The following VPS13A variants were observed in gnomAD, a reference collection of about 807,000 sequenced individuals.
The protein encoded by VPS13A is intermembrane lipid transfer protein VPS13A.
Under a neutral mutation model 390.9 loss-of-function variants are expected in VPS13A, and 264 were observed. The ratio of observed to expected loss-of-function variants is 0.68; its 90% CI spans 0.61 to 0.75. The LOEUF (loss-of-function observed/expected upper bound fraction) is 0.75. Among genes scored for constraint, VPS13A ranks in the 30% least tolerant of loss-of-function variants. The probability of loss-of-function intolerance (pLI) is 0.00; values close to 1 mark genes in which losing one functional copy is unlikely to be tolerated. For missense variants in VPS13A, 3,409 were observed against 3,733.9 expected (o/e 0.91, Z 2.27); for synonymous variants, 1,231 against 1,227.1 (o/e 1.00, Z -0.07).
chr9:77,253,170 T>C (rs1564666783), intron 22 of VPS13A, among the ~76,000 whole-genome samples: 1 of 152,222 alleles, frequency 6.6e-6, no homozygotes, highest in Non-Finnish European at 1.5e-5. Flanking sequence ...ATAGTCATCC[T>C]AATAGGTGTG....
chr9:77,207,249 ATAT>A lies in VPS13A; in HGVS notation c.385+1171_385+1173del, dbSNP rs1564630529. Among the ~76,000 whole-genome samples, 708 of 113,384 alleles carry A rather than the reference ATAT, an allele frequency of 6.2e-3. 34 individuals are homozygous for A. The highest frequency in any genetic ancestry group is 0.014 in the Middle Eastern group (3 of 212). 74.4% of individuals were successfully genotyped at this position (113,384 alleles called of 152,430 possible). On this transcript the variant is annotated intron_variant, in intron 5 of 71. Coordinates refer to ENST00000360280, the MANE Select transcript of VPS13A (RefSeq NM_033305.3). ...TATATATATATATATATATATATATATATAAAACGTGTTATATGTAACATAACA... is the reference window on the plus strand; with the variant it reads ...TATATATATATATATATATATATATAAAAACGTGTTATATGTAACATAACA...
intron 52 of VPS13A, among the ~76,000 whole-genome samples, chr9:77,348,995 GA>G (rs1193479457): frequency 6.6e-6 from 1 of 151,648 alleles, no homozygotes; most frequent in Non-Finnish European, 1.5e-5. Flanking sequence ...GAAAAATGAA[GA>G]GTATGATTTT....
chr9:77,191,976 G>T (rs1440068440), intron 1 of VPS13A, among the ~76,000 whole-genome samples: 3 of 152,158 alleles, frequency 2.0e-5, no homozygotes, highest in African/African-American at 7.2e-5. Context: ...TTGTGTGGTT[G>T]TGCAAGTCTC....
Position 77,295,589 on chromosome 9 carries a change from A to G in VPS13A, c.3555A>G (p.Ala1185=). ...CAGCTAAACAAGCCTTGGCTGAGGCAACTGTTCAGGCAGCTGGAATGGCTG... is the reference window on the plus strand; with the variant it reads ...CAGCTAAACAAGCCTTGGCTGAGGCGACTGTTCAGGCAGCTGGAATGGCTG... ...FQAAKQALAE[A]TVQAAGMAAT... Residue 1185 remains alanine (A), a synonymous_variant, in exon 33 of 72, where the codon GCA becomes GCG. Coordinates refer to ENST00000360280, the MANE Select transcript of VPS13A (RefSeq NM_033305.3). The G allele has an allele frequency of 6.2e-7, 1 of 1,612,256 alleles. No homozygotes were observed. The highest frequency in any genetic ancestry group is 1.1e-5 in the South Asian group (1 of 90,942).
chr9:77,328,335 T>G (rs914543941), intron 45 of VPS13A, among the ~76,000 whole-genome samples: 8 of 152,182 alleles, frequency 5.3e-5, no homozygotes, highest in African/African-American at 1.9e-4. Context: ...GTTTTTCCAT[T>G]TATAGAGCAC....
intron 45 of VPS13A, among the ~76,000 whole-genome samples, chr9:77,325,349 A>G (rs1433402820): frequency 6.6e-6 from 1 of 151,002 alleles, no homozygotes; most frequent in Non-Finnish European, 1.5e-5. Flanking sequence ...GGACCCATGC[A>G]TTAAAGTATA....
rs369976472 is a variant in VPS13A, at chr9:77,315,310, G to A, written c.4470G>A (p.Arg1490=). The A allele has an allele frequency of 9.9e-6, 16 of 1,613,960 alleles. No individual in the cohort carries two copies. The South Asian group carries it at 1.3e-4, about 13-fold the overall frequency. Residue 1490 remains arginine (R), a synonymous_variant, in exon 38 of 72, where the codon AGG becomes AGA. Coordinates refer to ENST00000360280, the MANE Select transcript of VPS13A (RefSeq NM_033305.3). ...AAGACATGATGGATATAAAGTACAG[G>A]AAAGTCAGAGATGGTTGTGTGACTG... ...DKKDMMDIKY[R]KVRDGCVTDA... is the part of the protein sequence containing the mutation.
chr9:77,228,696 G>T (rs1277095929), intron 17 of VPS13A, among the ~76,000 whole-genome samples: 1 of 152,124 alleles, frequency 6.6e-6, no homozygotes, highest in African/African-American at 2.4e-5. Context: ...CACCAGCACT[G>T]TATTAGTCCA....
At chr9:77,306,414 T>TGTGTG (rs1828752881) in intron 34 of VPS13A, among the ~76,000 whole-genome samples, 8 of 140,876 alleles carry the variant, frequency 5.7e-5, no homozygotes, top group South Asian at 2.3e-4. Context: ...GTGTGTGTGT[T>TGTGTG]TGTGTGTGTG....
At chr9:77,236,609 G>A (rs1196944228) in intron 17 of VPS13A, among the ~76,000 whole-genome samples, 1 of 152,186 alleles carries the variant, frequency 6.6e-6, no homozygotes, top group Non-Finnish European at 1.5e-5. Flanking sequence ...AATAGCCTTT[G>A]CAGATGTAAT....
chr9:77,302,763 TA>T (rs747408809), intron 33 of VPS13A, 151 bp from the exon 34 acceptor site: 1,015 of 784,734 alleles, frequency 1.3e-3, no homozygotes, highest in Non-Finnish European at 1.5e-3. Flanking sequence ...TTTTGACAGA[TA>T]AAAAAAAAGT....
At chr9:77,180,613 G>A (rs920808737) in intron 1 of VPS13A, among the ~76,000 whole-genome samples, 1 of 152,122 alleles carries the variant, frequency 6.6e-6, no homozygotes, top group African/African-American at 2.4e-5. Flanking sequence ...TGTGATATGT[G>A]TTGAAGGTTG....
rs1418745789 is a variant in VPS13A at position 77,365,586 on chromosome 9, C to G, written c.8325+13C>G. On this transcript the variant is annotated intron_variant, in intron 60 of 71. Coordinates refer to ENST00000360280, the MANE Select transcript of VPS13A (RefSeq NM_033305.3). The stretch of plus-strand genomic sequence containing the variant: ...ATCTCCTATCAAGGTAGGAGAAAGT[C>G]ATTTTTATTGTCCTTGATAATCTAG... The G allele has an allele frequency of 6.6e-7, 1 of 1,511,674 alleles. No individual in the cohort carries two copies. The highest frequency in any genetic ancestry group is 9.2e-7 in the Non-Finnish European group (1 of 1,088,402). The allele number at this position is 1,511,674 out of a possible 1,614,324, so 93.6% of individuals were successfully genotyped here.
chr9:77,215,860 A>T (rs1190632726), intron 10 of VPS13A, among the ~76,000 whole-genome samples: 4 of 152,236 alleles, frequency 2.6e-5, no homozygotes, highest in African/African-American at 9.6e-5. Context: ...AGGGAGCCTC[A>T]TGGAGGGGTG....
rs1474055676 is a variant in VPS13A at position 77,340,405 on chromosome 9, T to C, written c.6881T>C (p.Val2294Ala). ...KCKGLKMDYQVGVTIDLSSFN... is the reference protein window; with the variant it reads ...KCKGLKMDYQAGVTIDLSSFN... ...GAGCTGTTAATTTTTTTTTCTTAGG[T>C]TGGTGTCACTATAGACCTGAGCAGT... Residue 2294 changes from valine (V) to alanine (A), a missense_variant and splice_region_variant, in exon 50 of 72, where the codon GTT becomes GCT. Val to Ala is a moderately conservative substitution (Grantham distance 64, BLOSUM62 0). This residue lies in a region of VPS13A where 2,717 missense variants were observed against 2,917.4 expected (regional missense o/e 0.93). Transcript: ENST00000360280. The C allele has an allele frequency of 6.2e-7, 1 of 1,613,266 alleles. No homozygotes were observed.
At chr9:77,393,028 C>T (rs954212764) in intron 68 of VPS13A, among the ~76,000 whole-genome samples, 4 of 152,116 alleles carry the variant, frequency 2.6e-5, no homozygotes, top group African/African-American at 7.2e-5. Context: ...TAGCATTTTA[C>T]CCTCAATAGA....
At chr9:77,314,290 G>A (rs1829254760) in intron 36 of VPS13A, among the ~76,000 whole-genome samples, 171 bp downstream of exon 36, 1 of 151,968 alleles carries the variant, frequency 6.6e-6, no homozygotes, top group African/African-American at 2.4e-5. Context: ...TTTTAAATGA[G>A]TTATCTATCA....
At chr9:77,339,320 T>A (rs2131503851) in intron 47 of VPS13A, 196 bp from the exon 48 acceptor site, 1 of 590,040 alleles carries the variant, frequency 1.7e-6, no homozygotes, top group Middle Eastern at 4.6e-4. Context: ...ATACAGTAGC[T>A]CAAATCTCAG....
Position 77,405,926 on chromosome 9 carries a change from T to C in VPS13A, c.9338T>C (p.Phe3113Ser), listed in dbSNP as rs949257681. 5 of 1,613,978 alleles carry C rather than the reference T, an allele frequency of 3.1e-6. No individual in the cohort carries two copies. Among genetic ancestry groups the C allele is most frequent in the Admixed American group, 1.7e-5 (1 of 59,996 alleles). The stretch of plus-strand genomic sequence containing the variant: ...CTCACGTGTGAGTGGCAGTATAGTT[T>C]TGATGAATTTACCAAAGAGCCATTC... ...GQLTCEWQYSFDEFTKEPFIV... is the reference protein window; with the variant it reads ...GQLTCEWQYSSDEFTKEPFIV... Residue 3113 changes from phenylalanine (F) to serine (S), a missense_variant, in exon 70 of 72, where the codon TTT (phenylalanine) becomes TCT (serine). Physicochemically the swap from Phe to Ser is radical, Grantham distance 155 (BLOSUM62 -2). Coordinates refer to ENST00000360280, the MANE Select transcript of VPS13A (RefSeq NM_033305.3).
Sources: allele counts gnomAD v4.1 joint callset (sites outside exome capture counted in the v4.1 genomes callset), GRCh38; gene constraint gnomAD v4.1.1; regional missense constraint gnomAD v4.1.1; transcripts MANE v1.5; gene names NCBI Gene and HGNC (gene_info 2026-07-23, HGNC 2026-07-21).